RASIP1: variants seen among roughly 807,000 people sequenced by gnomAD.
RASIP1 encodes the protein Ras interacting protein 1, also known as ras-interacting protein 1.
In RASIP1, 20 loss-of-function variants were observed where a neutral mutation model predicts 85.3. That is an observed-to-expected ratio of 0.23 (90% CI 0.17 to 0.34). RASIP1 has a LOEUF of 0.34. Among genes scored for constraint, RASIP1 ranks in the 10% least tolerant of loss-of-function variants. The probability of loss-of-function intolerance (pLI) is 1.00; values close to 1 mark genes in which losing one functional copy is unlikely to be tolerated. For synonymous variants in RASIP1, 617 were observed against 647.1 expected, an observed-to-expected ratio of 0.95 and a Z score of 0.71; for missense variants, 1,170 against 1,390.9, an observed-to-expected ratio of 0.84 and a Z score of 2.53.
rs1352706750 is a variant in RASIP1, at chr19:48,720,588, C to A, written c.*210G>T. ...TGAGTCTTAACAATCGAGGCGCTGC[C>A]GATACCACGGATACCTTTATTGCTC... On this transcript the variant is annotated 3_prime_UTR_variant, in exon 12 of 12. Transcript: ENST00000222145. 1 of 584,586 alleles carries A rather than the reference C, an allele frequency of 1.7e-6. No individual in the cohort carries two copies. Among genetic ancestry groups the A allele is most frequent in the African/African-American group, 1.9e-5 (1 of 53,682 alleles). 36.2% of individuals were successfully genotyped at this position (584,586 alleles called of 1,614,324 possible).
chr19:48,740,453 A>G lies in RASIP1; in HGVS notation c.-5+68T>C. Reference sequence around the variant, plus strand: ...GGATTCCTGGGTCCTGGGATGGAAGATGGCTGGGGGACTGAGTCTTGGGGC... The same window carrying G: ...GGATTCCTGGGTCCTGGGATGGAAGGTGGCTGGGGGACTGAGTCTTGGGGC... On this transcript the variant is annotated intron_variant, in intron 1 of 11. Coordinates refer to ENST00000222145, the MANE Select transcript of RASIP1 (RefSeq NM_017805.3). The surrounding 1 kb of genome is among the most constrained non-coding windows in gnomAD (Gnocchi z 5.5). 7.2e-7 allele frequency: 1 copy of G among 1,393,178 alleles called. No individual in the cohort carries two copies. Among genetic ancestry groups the G allele is most frequent in the South Asian group, 1.6e-5 (1 of 61,834 alleles). 86.3% of individuals were successfully genotyped at this position (1,393,178 alleles called of 1,614,324 possible).
rs1381338384 is a variant in RASIP1 at position 48,735,549 on chromosome 19, T to C, written c.826A>G (p.Thr276Ala). ...TGTGGCCGCCACGAAGGGGCGCCGG[T>C]GCCTGCGGAGAGATGGAGAACAGTG... ...EAFGAADSEG[T>A]GAPSWRPQKN... The change falls in exon 4 of 12, where the codon ACC becomes GCC. Residue 276 changes from threonine (T) to alanine (A), a missense_variant and splice_region_variant. Physicochemically the swap from Thr to Ala is moderately conservative, Grantham distance 58 (BLOSUM62 0). Transcript: ENST00000222145. 5 of 1,534,702 alleles carry C rather than the reference T, an allele frequency of 3.3e-6. No individual in the cohort carries two copies. Among genetic ancestry groups the C allele is most frequent in the Non-Finnish European group, 4.4e-6 (5 of 1,139,056 alleles).
At chr19:48,722,962 T>A (rs2033276137) in intron 10 of RASIP1, among the ~76,000 whole-genome samples, 1 of 152,158 alleles carries the variant, frequency 6.6e-6, no homozygotes. Context: ...TGTGGCTCAC[T>A]GCAGCCTCAA....
At chr19:48,733,534 G>T (rs1050471801) in intron 4 of RASIP1, among the ~76,000 whole-genome samples, 1 of 152,102 alleles carries the variant, frequency 6.6e-6, no homozygotes, top group African/African-American at 2.4e-5. Context: ...GGCCGGGAGC[G>T]GTGGCTCACG....
intron 3 of RASIP1, chr19:48,737,492 T>G (rs2033594141): frequency 2.0e-6 from 2 of 985,224 alleles, no homozygotes; most frequent in Non-Finnish European, 2.4e-6. Flanking sequence ...CAGTGATATC[T>G]TCCTTCAGCC....
chr19:48,728,690 G>T (rs979417550), intron 5 of RASIP1, among the ~76,000 whole-genome samples: 3 of 152,184 alleles, frequency 2.0e-5, no homozygotes, highest in African/African-American at 7.2e-5. Context: ...TTTGAACCCC[G>T]GAGGTAGAGG....
intron 4 of RASIP1, 114 bp from the exon 5 acceptor site, chr19:48,729,704 T>TAA: frequency 1.1e-6 from 1 of 883,746 alleles, no homozygotes; most frequent in Non-Finnish European, 1.7e-6. Flanking sequence ...TTTTTCCTTC[T>TAA]TCTTCTTTTT....
intron 4 of RASIP1, 48 bp downstream of exon 4, chr19:48,735,148 C>T (rs1243953421): frequency 1.3e-6 from 2 of 1,502,522 alleles, no homozygotes. Flanking sequence ...CACCCACCAA[C>T]AGATGGGGTA....
intron 11 of RASIP1, 34 bp downstream of exon 11, chr19:48,721,820 G>T: frequency 6.4e-7 from 1 of 1,563,620 alleles, no homozygotes; most frequent in South Asian, 1.2e-5. Flanking sequence ...GAAGAAAGCT[G>T]ACAGCCCCAA....
intron 11 of RASIP1, 66 bp downstream of exon 11, chr19:48,721,788 G>A: frequency 6.6e-7 from 1 of 1,511,206 alleles, no homozygotes; most frequent in Non-Finnish European, 8.9e-7. Context: ...GAGTGACAGG[G>A]CGAGACTCCG....
In RASIP1 at chr19:48,729,482, C is replaced by A; in HGVS notation, c.1288G>T (p.Ala430Ser). 1.3e-6 allele frequency: 2 copies of A among 1,581,708 alleles called. No homozygotes were observed. The highest frequency in any genetic ancestry group is 1.7e-6 in the Non-Finnish European group (2 of 1,164,748). The stretch of plus-strand genomic sequence containing the variant: ...CAGTGACGCGGCAGGATGTCCGGGG[C>A]GTTGAGGAAGGTGTCCACATAGGGA... ...PAPYVDTFLN[A>S]PDILPRHCTV... Residue 430 changes from alanine to serine, a missense_variant, in exon 5 of 12, where the codon GCC becomes TCC. Around this residue, in one of 4 missense-constraint regions of RASIP1, gnomAD observed 301 missense variants for 294.8 expected, o/e 1.02. Transcript: ENST00000222145.
chr19:48,734,696 A>T (rs1599745914), intron 4 of RASIP1, among the ~76,000 whole-genome samples: 1 of 152,272 alleles, frequency 6.6e-6, no homozygotes, highest in South Asian at 2.1e-4. Flanking sequence ...CATGTTGGTC[A>T]GGTTGGTCTT....
Position 48,724,460 on chromosome 19 carries a change from G to A in RASIP1, c.2421C>T (p.Thr807=). 1 of 1,614,166 alleles carries A rather than the reference G, an allele frequency of 6.2e-7. No homozygotes were observed. Among genetic ancestry groups the A allele is most frequent in the Non-Finnish European group, 8.5e-7 (1 of 1,180,014 alleles). ...YQWSRAVQIR[T]NLDLVLDWLQ... ...GCCAGTCCAAGACGAGGTCCAGGTT[G>A]GTTCGGATTTGAACAGCTCGGGACC... The change falls in exon 10 of 12, where the codon ACC becomes ACT. Residue 807 remains threonine, a synonymous_variant. Coordinates refer to ENST00000222145, the MANE Select transcript of RASIP1 (RefSeq NM_017805.3). The surrounding 1 kb of genome is among the most constrained non-coding windows in gnomAD (Gnocchi z 4.6).
intron 4 of RASIP1, among the ~76,000 whole-genome samples, 167 bp downstream of exon 4, chr19:48,735,029 C>T (rs1046751180): frequency 6.6e-6 from 1 of 152,170 alleles, no homozygotes; most frequent in Non-Finnish European, 1.5e-5. Context: ...CAGCCATCTA[C>T]TCTCCCTCTC....
Position 48,738,893 on chromosome 19 carries a change from G to A in RASIP1, c.823+67C>T. On this transcript the variant is annotated intron_variant, in intron 3 of 11. Coordinates refer to ENST00000222145, the MANE Select transcript of RASIP1 (RefSeq NM_017805.3). This position sits in a 1 kb window ranked among gnomAD's most constrained non-coding sequence, Gnocchi z 4.0. ...CGCGAGTCCCACAAGCCCCGCCCAG[G>A]CCCCGCCCCACGGACCCCGCCTCTC... The A allele has an allele frequency of 2.7e-6, 3 of 1,106,654 alleles. No individual in the cohort carries two copies. Among genetic ancestry groups the A allele is most frequent in the South Asian group, 9.0e-5 (2 of 22,180 alleles). The allele number at this position is 1,106,654 out of a possible 1,614,324, so 68.6% of individuals were successfully genotyped here.
chr19:48,736,530 C>T (rs2033575955), intron 3 of RASIP1, among the ~76,000 whole-genome samples: 1 of 152,206 alleles, frequency 6.6e-6, no homozygotes, highest in South Asian at 2.1e-4. Context: ...CCTAAACACC[C>T]TTCCCTGACA....
rs1303689495 is a variant in RASIP1, at chr19:48,729,448, C to T, written c.1322G>A (p.Arg441His). Residue 441 changes from arginine (R) to histidine (H), a missense_variant, in exon 5 of 12, where the codon CGC becomes CAC. Physicochemically the swap from Arg to His is conservative, Grantham distance 29 (BLOSUM62 0). Transcript: ENST00000222145. ...CATGGCCGGGTGCTCAGGGCCCGCG[C>T]GCACTGTGCAGTGACGCGGCAGGAT... ...PDILPRHCTV[R>H]AGPEHPAMVR... The T allele has an allele frequency of 3.8e-6, 6 of 1,567,384 alleles. No homozygotes were observed. The highest frequency in any genetic ancestry group is 1.9e-5 in the Admixed American group (1 of 52,920).
chr19:48,738,854 G>T lies in RASIP1; in HGVS notation c.823+106C>A. 1.8e-6 allele frequency: 1 copy of T among 541,848 alleles called. No homozygotes were observed. Among genetic ancestry groups the T allele is most frequent in the Non-Finnish European group, 2.2e-6 (1 of 456,538 alleles). 33.6% of individuals were successfully genotyped at this position (541,848 alleles called of 1,614,324 possible). A position where few individuals can be genotyped will look rare whatever the true frequency, so the allele number is the denominator to read the frequency against. ...CTCCCAGTCCCCTCCCGCGGGCCCCGCCCCCAGCCAGCCCGCGAGTCCCAC... is the reference window on the plus strand; with the variant it reads ...CTCCCAGTCCCCTCCCGCGGGCCCCTCCCCCAGCCAGCCCGCGAGTCCCAC... On this transcript the variant is annotated intron_variant, in intron 3 of 11. Coordinates refer to ENST00000222145, the MANE Select transcript of RASIP1 (RefSeq NM_017805.3). This position sits in a 1 kb window ranked among gnomAD's most constrained non-coding sequence, Gnocchi z 4.0.
intron 4 of RASIP1, among the ~76,000 whole-genome samples, chr19:48,732,153 C>A (rs1273820879): frequency 2.0e-5 from 3 of 151,278 alleles, no homozygotes; most frequent in Non-Finnish European, 4.4e-5. Flanking sequence ...TGCAGACTTG[C>A]AGACTCCACC....
Sources: allele counts gnomAD v4.1 joint callset (sites outside exome capture counted in the v4.1 genomes callset), GRCh38; gene constraint gnomAD v4.1.1; regional missense constraint gnomAD v4.1.1; non-coding constraint Gnocchi (gnomAD v3.1); transcripts MANE v1.5; gene names NCBI Gene and HGNC (gene_info 2026-07-23, HGNC 2026-07-21).